MERTK: variants seen among roughly 807,000 people sequenced by gnomAD.
MERTK encodes MER proto-oncogene, tyrosine kinase, also known as tyrosine-protein kinase Mer.
MERTK carries 69 observed loss-of-function variants against 99.3 expected under a neutral mutation model. That is an observed-to-expected ratio of 0.70 (90% CI 0.57 to 0.85). The LOEUF (loss-of-function observed/expected upper bound fraction) is 0.85. MERTK is among the 40% of genes least tolerant of loss of function. MERTK has a pLI of 0.00. For missense variants in MERTK, 1,125 were observed against 1,249.4 expected (o/e 0.90, Z 1.50); for synonymous variants, 426 against 467.6 (o/e 0.91, Z 1.15).
chr2:111,976,315 C>T (rs1215872287), intron 7 of MERTK, among the ~76,000 whole-genome samples: 5 of 152,220 alleles, frequency 3.3e-5, no homozygotes, highest in Non-Finnish European at 7.3e-5. Context: ...TGGGTCAGGA[C>T]CCCCTTTGTA....
chr2:111,963,567 A>G (rs577906989), intron 4 of MERTK, among the ~76,000 whole-genome samples: 11,142 of 152,248 alleles, frequency 0.073, 500 homozygotes, highest in Middle Eastern at 0.14. Flanking sequence ...GATGACTCTT[A>G]ACGAGCATGC....
chr2:111,978,147 T>G lies in MERTK; in HGVS notation c.1144+2675T>G, dbSNP rs994196833. Among the ~76,000 whole-genome samples, 27 of 147,830 alleles carry G rather than the reference T, an allele frequency of 1.8e-4. 1 individual carries two copies. Among genetic ancestry groups the G allele is most frequent in the African/African-American group, 6.7e-4 (26 of 39,004 alleles). ...TTTTTTTTATGTTTTGTTTTTTGGT[T>G]GTTTTTTGTTTTTTTTTTTGAGATG... is the stretch of plus-strand genomic sequence containing the variant. On this transcript the variant is annotated intron_variant, in intron 7 of 18. Transcript: ENST00000295408.
At chr2:112,016,089 G>A (rs1346800311) in intron 15 of MERTK, among the ~76,000 whole-genome samples, 1 of 152,116 alleles carries the variant, frequency 6.6e-6, no homozygotes, top group South Asian at 2.1e-4. Context: ...AAATCACCCA[G>A]TGTGATTCTT....
intron 4 of MERTK, among the ~76,000 whole-genome samples, chr2:111,957,390 C>T (rs577376283): frequency 6.6e-5 from 10 of 152,210 alleles, no homozygotes; most frequent in African/African-American, 2.4e-4. Context: ...CCCAGGCCCC[C>T]GAGTATCAAC....
intron 18 of MERTK, among the ~76,000 whole-genome samples, chr2:112,027,919 C>G (rs1249185857): frequency 6.6e-6 from 1 of 152,160 alleles, no homozygotes; most frequent in East Asian, 1.9e-4. Context: ...GCTTTGCAGG[C>G]CTTTTAGCAC....
chr2:112,001,366 C>T (rs985557723), intron 11 of MERTK, 80 bp downstream of exon 11: 1 of 1,140,620 alleles, frequency 8.8e-7, no homozygotes, highest in African/African-American at 1.5e-5. Context: ...AGATTTCTAA[C>T]AAAAGCCAAA....
intron 4 of MERTK, among the ~76,000 whole-genome samples, chr2:111,953,614 C>T (rs1447789218): frequency 6.6e-6 from 1 of 151,894 alleles, no homozygotes; most frequent in Non-Finnish European, 1.5e-5. Flanking sequence ...TTTGCTCTGT[C>T]GCCCAGGCTG....
chr2:112,017,795 A>C (rs1004645237), intron 15 of MERTK, among the ~76,000 whole-genome samples: 1 of 152,172 alleles, frequency 6.6e-6, no homozygotes, highest in African/African-American at 2.4e-5. Flanking sequence ...CTCACATGGC[A>C]ACAGCAAAGC....
chr2:111,941,468 C>G (rs1684865699), intron 2 of MERTK, among the ~76,000 whole-genome samples: 1 of 152,190 alleles, frequency 6.6e-6, no homozygotes, highest in African/African-American at 2.4e-5. Context: ...AACTTCCCCC[C>G]TTCCGCATCC....
At position 111,946,409 on chromosome 2, in the gene MERTK, T is replaced by G. The variant is rs1230620852; in HGVS notation, c.584-985T>G. On this transcript the variant is annotated intron_variant, in intron 3 of 18. Transcript: ENST00000295408. ...GTCATTCCTGCTGGAACCAGATCTGTGAGTTCCCAATCCCCAAAAGAACAC... is the reference window on the plus strand; with the variant it reads ...GTCATTCCTGCTGGAACCAGATCTGGGAGTTCCCAATCCCCAAAAGAACAC... Among the ~76,000 whole-genome samples the G allele has an allele frequency of 3.9e-5, 6 of 152,150 alleles. No homozygotes were observed. In the East Asian group the frequency reaches 9.6e-4, roughly 24 times the overall value.
At chr2:111,965,344 A>C (rs1685340778) in intron 5 of MERTK, 67 bp downstream of exon 5, 1 of 1,512,890 alleles carries the variant, frequency 6.6e-7, no homozygotes, top group Non-Finnish European at 9.2e-7. Context: ...ATGAGCTTGC[A>C]GCTGGCTGCC....
chr2:111,936,247 C>CA (rs1265081549), intron 2 of MERTK, among the ~76,000 whole-genome samples: 2 of 152,014 alleles, frequency 1.3e-5, no homozygotes, highest in Admixed American at 1.3e-4. Flanking sequence ...TATTTTATTG[C>CA]ATAGATGATT....
chr2:111,915,234 T>C (rs181840894), intron 1 of MERTK, among the ~76,000 whole-genome samples: 238 of 152,334 alleles, frequency 1.6e-3, no homozygotes, highest in Admixed American at 3.7e-3. Flanking sequence ...TGATTTCCCC[T>C]GTTTTATTCC....
At position 111,965,236 on chromosome 2, in the gene MERTK, A is replaced by G. The variant is rs1685338233; in HGVS notation, c.803A>G (p.Lys268Arg). Residue 268 changes from lysine to arginine, a missense_variant, in exon 5 of 19, where the codon AAA (lysine) becomes AGA (arginine). Lys to Arg is a conservative substitution (Grantham distance 26). Transcript: ENST00000295408. ...TTCAGTTGTGAGGCCCACAATGACAAAGGGCTGACCGTGTCCAAGGGAGTG... is the reference window on the plus strand; with the variant it reads ...TTCAGTTGTGAGGCCCACAATGACAGAGGGCTGACCGTGTCCAAGGGAGTG... The part of the protein sequence containing the change: ...AVFSCEAHND[K>R]GLTVSKGVQI... The G allele has an allele frequency of 1.2e-6, 2 of 1,614,060 alleles. No individual in the cohort carries two copies. Among genetic ancestry groups the G allele is most frequent in the Non-Finnish European group, 1.7e-6 (2 of 1,180,028 alleles).
At chr2:112,016,190 G>A (rs1311978080) in intron 15 of MERTK, among the ~76,000 whole-genome samples, 1 of 152,102 alleles carries the variant, frequency 6.6e-6, no homozygotes, top group Non-Finnish European at 1.5e-5. Flanking sequence ...ATCTGTGTCT[G>A]GCAAAAGTTC....
At position 111,964,039 on chromosome 2, in the gene MERTK, C is replaced by CTTTTTTTTTT. The variant is rs1553451938; in HGVS notation, c.758-1149_758-1148insTTTTTTTTTT. ...GTCAGTTTCTCCACTCAAAAATTTT[C>CTTTTTTTTTT]TTTCTTTTTTTTTTTTGCTCTTTCC... On this transcript the variant is annotated intron_variant, in intron 4 of 18. Transcript: ENST00000295408. Among the ~76,000 whole-genome samples, 127 of 40,480 alleles carry CTTTTTTTTTT rather than the reference C, an allele frequency of 3.1e-3. 1 individual carries two copies. The highest frequency in any genetic ancestry group is 5.5e-3 in the South Asian group (7 of 1,276). 26.6% of individuals were successfully genotyped at this position (40,480 alleles called of 152,430 possible). A position where few individuals can be genotyped will look rare whatever the true frequency, so the allele number is the denominator to read the frequency against.
chr2:111,934,653 C>G (rs915245761), intron 2 of MERTK, among the ~76,000 whole-genome samples: 3 of 150,784 alleles, frequency 2.0e-5, no homozygotes, highest in African/African-American at 7.3e-5. Context: ...GAAATTTTCT[C>G]GCATTCTGTA....
chr2:111,985,176 A>G (rs1379419750), intron 8 of MERTK, among the ~76,000 whole-genome samples: 1 of 152,218 alleles, frequency 6.6e-6, no homozygotes, highest in Non-Finnish European at 1.5e-5. Flanking sequence ...TTTGCTAGGC[A>G]TGACTCCAGT....
intron 2 of MERTK, among the ~76,000 whole-genome samples, chr2:111,932,471 G>A (rs1181489637): frequency 3.3e-5 from 5 of 152,174 alleles, no homozygotes; most frequent in African/African-American, 9.7e-5. Flanking sequence ...GTGAGCCACC[G>A]TGCCTGGCCA....
Sources: gnomAD v4.1 joint callset for allele counts (sites outside exome capture counted in the v4.1 genomes callset) on GRCh38, gnomAD v4.1.1 for gene constraint, MANE v1.5 for transcripts, NCBI Gene and HGNC (gene_info 2026-07-23, HGNC 2026-07-21) for gene names.